The following ELAVL4 variants were observed in gnomAD, a reference collection of about 807,000 sequenced individuals.
ELAVL4 encodes the protein ELAV-like protein 4.
Under a neutral mutation model 35.6 loss-of-function variants are expected in ELAVL4, and 1 was observed. The observed-to-expected ratio is 0.03, with a 90% confidence interval of 0.01 to 0.13. The LOEUF is 0.13. Among genes scored for constraint, ELAVL4 ranks in the 10% least tolerant of loss-of-function variants. The pLI, the probability that ELAVL4 is intolerant of heterozygous loss-of-function variation, is 1.00. For synonymous variants in ELAVL4, 156 were observed against 171.0 expected, an observed-to-expected ratio of 0.91 and a Z score of 0.69; for missense variants, 267 against 464.9, an observed-to-expected ratio of 0.57 and a Z score of 3.91.
chr1:50,139,331 G>A (rs1672430945), intron 1 of ELAVL4, among the ~76,000 whole-genome samples: 1 of 152,164 alleles, frequency 6.6e-6, no homozygotes, highest in African/African-American at 2.4e-5. Flanking sequence ...CACAGTTCAG[G>A]TCATGAATTT....
intron 1 of ELAVL4, among the ~76,000 whole-genome samples, chr1:50,140,468 T>C (rs1672634646): frequency 6.6e-6 from 1 of 152,254 alleles, no homozygotes; most frequent in African/African-American, 2.4e-5. Flanking sequence ...AACCTTAAAA[T>C]GCTGTAGTTT....
intron 1 of ELAVL4, among the ~76,000 whole-genome samples, chr1:50,049,694 A>G (rs557394677): frequency 6.0e-4 from 92 of 152,240 alleles, no homozygotes; most frequent in Non-Finnish European, 1.0e-3. Context: ...GATTCCTTCC[A>G]TTCATTTTTT....
chr1:50,161,147 A>G (rs903562605), intron 2 of ELAVL4, among the ~76,000 whole-genome samples: 3 of 152,178 alleles, frequency 2.0e-5, no homozygotes, highest in Non-Finnish European at 4.4e-5. Flanking sequence ...TGTCTTGTCT[A>G]TCTGACACCC....
intron 2 of ELAVL4, among the ~76,000 whole-genome samples, chr1:50,154,575 T>G (rs1020775039): frequency 3.9e-5 from 6 of 152,222 alleles, no homozygotes; most frequent in Non-Finnish European, 8.8e-5. Context: ...ATAATTTTAT[T>G]GGTGATATAA....
At chr1:50,054,114 T>C (rs1456656975) in intron 1 of ELAVL4, among the ~76,000 whole-genome samples, 2 of 152,096 alleles carry the variant, frequency 1.3e-5, no homozygotes, top group Non-Finnish European at 2.9e-5. Flanking sequence ...ATAAGTTTTA[T>C]ATACTGAGTA....
chr1:50,091,267 G>A (rs1405854357), intron 1 of ELAVL4, among the ~76,000 whole-genome samples: 2 of 152,162 alleles, frequency 1.3e-5, no homozygotes, highest in South Asian at 2.1e-4. Context: ...TTGCAGATAC[G>A]CTTACAGGAA....
intron 3 of ELAVL4, among the ~76,000 whole-genome samples, chr1:50,185,376 A>C (rs542429390): frequency 6.6e-6 from 1 of 152,252 alleles, no homozygotes; most frequent in East Asian, 1.9e-4. Flanking sequence ...TTCCAGTTCC[A>C]ACAGTATAAC....
At chr1:50,092,591 T>C (rs990152388) in intron 1 of ELAVL4, among the ~76,000 whole-genome samples, 20 of 152,240 alleles carry the variant, frequency 1.3e-4, no homozygotes, top group African/African-American at 4.8e-4. Flanking sequence ...TCTTTGATTA[T>C]GTACTCTTGC....
chr1:50,164,307 G>C (rs974047771), intron 2 of ELAVL4, among the ~76,000 whole-genome samples: 1 of 152,122 alleles, frequency 6.6e-6, no homozygotes, highest in African/African-American at 2.4e-5. Flanking sequence ...TCTGGCTTCT[G>C]TTTGCACATG....
At chr1:50,065,310 ACCG>A (rs1379554719) in intron 1 of ELAVL4, among the ~76,000 whole-genome samples, 5 of 152,172 alleles carry the variant, frequency 3.3e-5, no homozygotes, top group Non-Finnish European at 7.4e-5. Flanking sequence ...AACAGATTAT[ACCG>A]GAGAAGACTG....
At chr1:50,097,089 A>G (rs1665750350) in intron 1 of ELAVL4, among the ~76,000 whole-genome samples, 1 of 152,044 alleles carries the variant, frequency 6.6e-6, no homozygotes, top group Non-Finnish European at 1.5e-5. Context: ...GTGTTGGGGA[A>G]AAGGCCTGTA....
intron 3 of ELAVL4, 130 bp from the exon 4 acceptor site, chr1:50,193,635 T>A: frequency 8.7e-7 from 1 of 1,152,692 alleles, no homozygotes; most frequent in Admixed American, 2.7e-5. Flanking sequence ...AAATCTGAAC[T>A]ACTGAGTGAT....
At chr1:50,140,177 C>T (rs759432291) in intron 1 of ELAVL4, among the ~76,000 whole-genome samples, 4 of 152,180 alleles carry the variant, frequency 2.6e-5, no homozygotes, top group Non-Finnish European at 5.9e-5. Flanking sequence ...GGGCTTGGAA[C>T]CTGGTCAGCT....
At position 50,201,787 on chromosome 1, in the gene ELAVL4, C is replaced by A. The variant is rs1644405196; in HGVS notation, c.*609C>A. 1 of 151,638 alleles carries A rather than the reference C, an allele frequency of 6.6e-6. No individual in the cohort carries two copies. Among genetic ancestry groups the A allele is most frequent in the South Asian group, 2.1e-4 (1 of 4,804 alleles). The allele number at this position is 151,638 out of a possible 1,614,324, so 9.4% of individuals were successfully genotyped here. ...CCTTCTTTCTTTTATATCATGTGAA[C>A]TAAAACAGTCTTCTGTTAGGGGATG... On this transcript the variant is annotated 3_prime_UTR_variant, in exon 7 of 7. Coordinates refer to ENST00000371824, the MANE Select transcript of ELAVL4 (RefSeq NM_001144774.3). The surrounding 1 kb of genome is among the most constrained non-coding windows in gnomAD (Gnocchi z 4.3).
At chr1:50,116,189 T>C (rs1397115167) in intron 1 of ELAVL4, among the ~76,000 whole-genome samples, 2 of 152,110 alleles carry the variant, frequency 1.3e-5, no homozygotes, top group East Asian at 3.9e-4. Context: ...CAGCAGCCCA[T>C]GAAGCTTGGC....
At chr1:50,165,895 G>T (rs553971058) in intron 2 of ELAVL4, among the ~76,000 whole-genome samples, 1 of 151,648 alleles carries the variant, frequency 6.6e-6, no homozygotes, top group African/African-American at 2.4e-5. Flanking sequence ...TCCCGCAATC[G>T]GTTGTCTGCA....
Position 50,134,508 on chromosome 1 carries a change from G to A in ELAVL4, c.10-10449G>A, listed in dbSNP as rs192354740. Reference sequence around the variant, plus strand: ...ACATTAAACCTTCAGAGTTCAGAGGGTCTTAGGGAGCAGAATGGGAAGAAA... The same window carrying A: ...ACATTAAACCTTCAGAGTTCAGAGGATCTTAGGGAGCAGAATGGGAAGAAA... On this transcript the variant is annotated intron_variant, in intron 1 of 6. Coordinates refer to ENST00000371824, the MANE Select transcript of ELAVL4 (RefSeq NM_001144774.3). 4.6e-4 allele frequency among the ~76,000 whole-genome samples: 70 copies of A among 152,228 alleles called. No individual in the cohort carries two copies. In the East Asian group the frequency reaches 0.01, roughly 22 times the overall value.
intron 3 of ELAVL4, among the ~76,000 whole-genome samples, chr1:50,184,526 C>A (rs749765482): frequency 6.6e-6 from 1 of 152,072 alleles, no homozygotes; most frequent in African/African-American, 2.4e-5. Flanking sequence ...GTCCCATTCT[C>A]GGCTTCATAT....
upstream of ELAVL4, among the ~76,000 whole-genome samples, chr1:50,100,432 CT>C (rs1446477192): frequency 2.0e-5 from 3 of 152,100 alleles, no homozygotes; most frequent in African/African-American, 7.2e-5. Context: ...TATTTCTTTC[CT>C]TTCCCCCTAC....
Sources: allele counts gnomAD v4.1 joint callset (sites outside exome capture counted in the v4.1 genomes callset), GRCh38; gene constraint gnomAD v4.1.1; non-coding constraint Gnocchi (gnomAD v3.1); transcripts MANE v1.5; gene names NCBI Gene and HGNC (gene_info 2026-07-23, HGNC 2026-07-21).